Variants in ST8SIA1 observed in about 807,000 individuals in gnomAD.
ST8SIA1 encodes the protein ST8 alpha-N-acetyl-neuraminide alpha-2,8-sialyltransferase 1.
ST8SIA1 carries 16 observed loss-of-function variants against 35.9 expected under a neutral mutation model. That is an observed-to-expected ratio of 0.45 (90% CI 0.30 to 0.68). The LOEUF is 0.68. ST8SIA1 is among the 30% of genes least tolerant of loss of function. The probability of loss-of-function intolerance (pLI) is 0.09; values close to 1 mark genes in which losing one functional copy is unlikely to be tolerated. For missense variants in ST8SIA1, 383 were observed against 453.6 expected, an observed-to-expected ratio of 0.84 and a Z score of 1.41; for synonymous variants, 170 against 169.6, an observed-to-expected ratio of 1.00 and a Z score of -0.02.
intron 1 of ST8SIA1, among the ~76,000 whole-genome samples, chr12:22,299,032 T>C (rs1866283457): frequency 6.6e-6 from 1 of 151,830 alleles, no homozygotes; most frequent in South Asian, 2.1e-4. Context: ...GGAAGGAAAA[T>C]GAGAAACGAA....
At chr12:22,243,754 G>A (rs191875729) in intron 4 of ST8SIA1, among the ~76,000 whole-genome samples, 3 of 152,158 alleles carry the variant, frequency 2.0e-5, no homozygotes, top group South Asian at 2.1e-4. Context: ...TTTATTGGCC[G>A]GGTGCAGTGG....
intron 1 of ST8SIA1, among the ~76,000 whole-genome samples, chr12:22,329,775 A>C (rs2135848664): frequency 6.6e-6 from 1 of 152,332 alleles, no homozygotes; most frequent in East Asian, 1.9e-4. Context: ...AATTTTGAAA[A>C]AGAAAGGACT....
intron 1 of ST8SIA1, among the ~76,000 whole-genome samples, chr12:22,331,215 A>G (rs751769156): frequency 2.0e-5 from 3 of 152,210 alleles, no homozygotes; most frequent in Non-Finnish European, 4.4e-5. Context: ...CTCTTCACAG[A>G]ATTTAACCGT....
At chr12:22,262,051 A>T (rs759526177) in intron 2 of ST8SIA1, among the ~76,000 whole-genome samples, 2 of 152,218 alleles carry the variant, frequency 1.3e-5, no homozygotes, top group Non-Finnish European at 2.9e-5. Context: ...TTAAGCTGAG[A>T]TCCATAGCTT....
intron 4 of ST8SIA1, among the ~76,000 whole-genome samples, chr12:22,244,717 G>A (rs1187421957): frequency 1.3e-5 from 2 of 152,154 alleles, no homozygotes; most frequent in East Asian, 1.9e-4. Flanking sequence ...CTCCCAAAGT[G>A]CTGAGATTAC....
chr12:22,218,709 A>G (rs1455589552), intron 4 of ST8SIA1, among the ~76,000 whole-genome samples: 1 of 151,702 alleles, frequency 6.6e-6, no homozygotes, highest in Non-Finnish European at 1.5e-5. Flanking sequence ...AGGAGAATCT[A>G]CTCGGGAGGC....
At chr12:22,294,344 C>G (rs1464122217) in intron 1 of ST8SIA1, among the ~76,000 whole-genome samples, 1 of 152,126 alleles carries the variant, frequency 6.6e-6, no homozygotes, top group Non-Finnish European at 1.5e-5. Flanking sequence ...TAGGTAACAT[C>G]ATTGACCTAA....
At chr12:22,255,983 A>G (rs1865724872) in intron 2 of ST8SIA1, among the ~76,000 whole-genome samples, 1 of 152,200 alleles carries the variant, frequency 6.6e-6, no homozygotes, top group African/African-American at 2.4e-5. Context: ...TGCCAAAGAG[A>G]TGCACACTGA....
rs1864991014 is a variant in ST8SIA1 at position 22,196,561 on chromosome 12, TAGG to T, written c.*4988_*4990del. ...AACCTAAATATTGTGGCCTCATATTTAGGAGTTTATAAACAGACGCTCTGGGCT... is the reference window on the plus strand; with the variant it reads ...AACCTAAATATTGTGGCCTCATATTTAGTTTATAAACAGACGCTCTGGGCT... On this transcript the variant is annotated 3_prime_UTR_variant, in exon 5 of 5. Coordinates refer to ENST00000396037, the MANE Select transcript of ST8SIA1 (RefSeq NM_003034.4). 1 of 152,164 alleles carries T rather than the reference TAGG, an allele frequency of 6.6e-6. No homozygotes were observed. The highest frequency in any genetic ancestry group is 1.5e-5 in the Non-Finnish European group (1 of 68,034). The allele number at this position is 152,164 out of a possible 1,614,324, so 9.4% of individuals were successfully genotyped here.
chr12:22,202,325 T>C (rs562805882), intron 4 of ST8SIA1, among the ~76,000 whole-genome samples: 92 of 152,336 alleles, frequency 6.0e-4, no homozygotes, highest in Non-Finnish European at 1.2e-3. Flanking sequence ...AGAACGTTTT[T>C]GCCTGAAATG....
intron 1 of ST8SIA1, among the ~76,000 whole-genome samples, chr12:22,312,702 G>A (rs73087090): frequency 0.051 from 7,510 of 147,530 alleles, 303 homozygotes; most frequent in African/African-American, 0.11. Flanking sequence ...AAGTAGGGGC[G>A]TCACGGAAAT....
At chr12:22,274,012 C>A (rs1287065960) in intron 2 of ST8SIA1, among the ~76,000 whole-genome samples, 1 of 152,132 alleles carries the variant, frequency 6.6e-6, no homozygotes, top group East Asian at 1.9e-4. Context: ...TGTAAGGGAT[C>A]AATGTAAGTT....
intron 1 of ST8SIA1, among the ~76,000 whole-genome samples, chr12:22,318,054 G>C (rs1866541807): frequency 6.6e-6 from 1 of 152,134 alleles, no homozygotes; most frequent in Admixed American, 6.5e-5. Flanking sequence ...AAAACATCTG[G>C]AAGAATAGAC....
At chr12:22,259,118 T>C (rs1417186159) in intron 2 of ST8SIA1, among the ~76,000 whole-genome samples, 2 of 152,166 alleles carry the variant, frequency 1.3e-5, no homozygotes, top group African/African-American at 2.4e-5. Context: ...CTCCCTGGCT[T>C]GTTCAAGCCA....
At chr12:22,333,912 C>G (rs1866804897) in intron 1 of ST8SIA1, 85 bp downstream of exon 1, 11 of 1,185,626 alleles carry the variant, frequency 9.3e-6, no homozygotes, top group Non-Finnish European at 1.4e-5. Flanking sequence ...CGAGACGGTG[C>G]AAGGCGGTCC....
At chr12:22,226,721 A>C (rs565322669) in intron 4 of ST8SIA1, among the ~76,000 whole-genome samples, 1 of 152,132 alleles carries the variant, frequency 6.6e-6, no homozygotes, top group South Asian at 2.1e-4. Context: ...TCTTTGCAAC[A>C]TCCAACATGA....
rs1865008981 is a variant in ST8SIA1, at chr12:22,198,093, T to C, written c.*3459A>G. ...CTTTGGAATCAATGCAGTTCTCAAA[T>C]CGAGGCTAATAAAAACTAAAATTCT... On this transcript the variant is annotated 3_prime_UTR_variant, in exon 5 of 5. Transcript: ENST00000396037. 1 of 152,168 alleles carries C rather than the reference T, an allele frequency of 6.6e-6. No homozygotes were observed. Among genetic ancestry groups the C allele is most frequent in the Admixed American group, 6.5e-5 (1 of 15,268 alleles). 9.4% of individuals were successfully genotyped at this position (152,168 alleles called of 1,614,324 possible).
At chr12:22,225,521 A>G (rs1591828265) in intron 4 of ST8SIA1, among the ~76,000 whole-genome samples, 1 of 152,278 alleles carries the variant, frequency 6.6e-6, no homozygotes, top group Middle Eastern at 3.4e-3. Flanking sequence ...ATTTGCAAAC[A>G]TAAGTGAAAC....
intron 1 of ST8SIA1, among the ~76,000 whole-genome samples, chr12:22,323,459 G>C (rs1373729881): frequency 4.6e-5 from 7 of 152,128 alleles, no homozygotes; most frequent in African/African-American, 1.7e-4. Flanking sequence ...ATTCCTCAAA[G>C]ACCTAGAGGC....
Sources: gnomAD v4.1 joint callset for allele counts (sites outside exome capture counted in the v4.1 genomes callset) on GRCh38, gnomAD v4.1.1 for gene constraint, MANE v1.5 for transcripts, NCBI Gene and HGNC (gene_info 2026-07-23, HGNC 2026-07-21) for gene names.